The following SNTB1 variants were observed in gnomAD, a reference collection of about 807,000 sequenced individuals.
SNTB1 encodes beta-1-syntrophin.
A neutral mutation model predicts 48.9 loss-of-function variants in SNTB1; 36 were observed. The observed-to-expected ratio is 0.74, with a 90% CI of 0.56 to 0.97. The LOEUF (loss-of-function observed/expected upper bound fraction) is 0.97, where lower values mean the gene tolerates loss of function less well. SNTB1 is among the 50% of genes least tolerant of loss of function. SNTB1 has a pLI of 0.00. For missense variants in SNTB1, 786 were observed against 703.4 expected, an observed-to-expected ratio of 1.12 and a Z score of -1.33; for synonymous variants, 299 against 294.6, an observed-to-expected ratio of 1.01 and a Z score of -0.15.
At chr8:120,783,401 G>A (rs1412565626) in intron 1 of SNTB1, among the ~76,000 whole-genome samples, 1 of 151,918 alleles carries the variant, frequency 6.6e-6, no homozygotes, top group Non-Finnish European at 1.5e-5. Flanking sequence ...AATATGCACT[G>A]AATATTATAC....
At chr8:120,795,646 C>T (rs571028529) in intron 1 of SNTB1, among the ~76,000 whole-genome samples, 10 of 152,132 alleles carry the variant, frequency 6.6e-5, no homozygotes, top group Admixed American at 6.6e-4. Flanking sequence ...CCTGCTATAA[C>T]AAAGTACCAC....
intron 1 of SNTB1, among the ~76,000 whole-genome samples, chr8:120,764,268 G>A (rs531821316): frequency 6.6e-6 from 1 of 152,168 alleles, no homozygotes; most frequent in Non-Finnish European, 1.5e-5. Flanking sequence ...TAAAAACAAT[G>A]AGGCAGCTTC....
intron 1 of SNTB1, among the ~76,000 whole-genome samples, chr8:120,695,990 T>C (rs1818204825): frequency 6.6e-6 from 1 of 152,202 alleles, no homozygotes; most frequent in South Asian, 2.1e-4. Flanking sequence ...GACATACTCA[T>C]GAACAAATGC....
At position 120,632,552 on chromosome 8, in the gene SNTB1, G is replaced by A. The variant is rs780898987; in HGVS notation, c.888C>T (p.Asn296=). ...AQAWFSAIHS[N]VNDLLTRVIA... The stretch of plus-strand genomic sequence containing the variant: ...TCACTCGGGTCAGCAGGTCATTAAC[G>A]TTGGAATGGATGGCACTGAACCATG... Residue 296 remains asparagine, a synonymous_variant, in exon 3 of 7, where the codon AAC becomes AAT. Coordinates refer to ENST00000517992, the MANE Select transcript of SNTB1 (RefSeq NM_021021.4). The A allele has an allele frequency of 5.0e-6, 8 of 1,614,148 alleles. No individual in the cohort carries two copies. The South Asian group carries it at 5.5e-5, about 11-fold the overall frequency.
rs1489201985 is a variant in SNTB1 at position 120,631,648 on chromosome 8, G to T, written c.996+796C>A. On this transcript the variant is annotated intron_variant, in intron 3 of 6. Transcript: ENST00000517992. ...TCAAGGGACAGCAATCATGTGTAAG[G>T]ACAATGGCAAAGGCTCGATCCTTTG... Among the ~76,000 whole-genome samples, 195 of 152,174 alleles carry T rather than the reference G, an allele frequency of 1.3e-3. 1 individual carries two copies. The highest frequency in any genetic ancestry group is 8.8e-5 in the Non-Finnish European group (6 of 68,020).
chr8:120,566,528 T>C (rs1353873464), intron 4 of SNTB1, among the ~76,000 whole-genome samples: 6 of 152,060 alleles, frequency 3.9e-5, no homozygotes, highest in African/African-American at 7.2e-5. Flanking sequence ...ATTTCTATTA[T>C]TTATAAATTA....
chr8:120,780,730 C>T (rs544732604), intron 1 of SNTB1, among the ~76,000 whole-genome samples: 7 of 152,204 alleles, frequency 4.6e-5, no homozygotes, highest in African/African-American at 1.7e-4. Flanking sequence ...GATCAACTGA[C>T]ATCTTCATAG....
chr8:120,561,631 A>G (rs1027137978), intron 4 of SNTB1, among the ~76,000 whole-genome samples: 1 of 152,170 alleles, frequency 6.6e-6, no homozygotes, highest in African/African-American at 2.4e-5. Context: ...AGTTCAACGT[A>G]TGTCCCATTG....
At chr8:120,539,484 G>A (rs559235871) in intron 6 of SNTB1, among the ~76,000 whole-genome samples, 17 of 152,290 alleles carry the variant, frequency 1.1e-4, no homozygotes, top group Admixed American at 5.2e-4. Context: ...AACACAGAAC[G>A]CATGCTAAGC....
chr8:120,588,839 C>T (rs554286405), intron 3 of SNTB1, among the ~76,000 whole-genome samples: 113 of 152,300 alleles, frequency 7.4e-4, no homozygotes, highest in African/African-American at 2.6e-3. Flanking sequence ...GCCTGCTCCT[C>T]CTAGGATCCA....
intron 1 of SNTB1, among the ~76,000 whole-genome samples, chr8:120,699,764 T>A (rs960187966): frequency 6.6e-6 from 1 of 152,208 alleles, no homozygotes; most frequent in Non-Finnish European, 1.5e-5. Context: ...CAGCTCTATG[T>A]CCACCTAGCT....
intron 2 of SNTB1, chr8:120,637,901 A>G (rs771582010): frequency 8.8e-6 from 2 of 226,978 alleles, no homozygotes; most frequent in Non-Finnish European, 1.9e-5. Flanking sequence ...AAATCCTGTA[A>G]GGTAATGTAA....
At chr8:120,692,502 T>C (rs191557304) in intron 2 of SNTB1, among the ~76,000 whole-genome samples, 6 of 152,288 alleles carry the variant, frequency 3.9e-5, no homozygotes, top group East Asian at 3.9e-4. Flanking sequence ...TCCTAAAATA[T>C]ATGTTTTCTC....
At position 120,632,545 on chromosome 8, in the gene SNTB1, C is replaced by T. The variant is rs1280099402; in HGVS notation, c.895G>A (p.Asp299Asn). Reference protein sequence around the residue: ...WFSAIHSNVNDLLTRVIAEVR... With the variant: ...WFSAIHSNVNNLLTRVIAEVR... ...TCAGCAATCACTCGGGTCAGCAGGT[C>T]ATTAACGTTGGAATGGATGGCACTG... The change falls in exon 3 of 7, where the codon GAC becomes AAC. Residue 299 changes from aspartate to asparagine, a missense_variant. Asp to Asn is a conservative substitution (Grantham distance 23). Coordinates refer to ENST00000517992, the MANE Select transcript of SNTB1 (RefSeq NM_021021.4). The T allele has an allele frequency of 1.2e-6, 2 of 1,614,158 alleles. No individual in the cohort carries two copies. Among genetic ancestry groups the T allele is most frequent in the Non-Finnish European group, 1.7e-6 (2 of 1,180,024 alleles).
chr8:120,808,741 T>G (rs749854775), intron 1 of SNTB1, among the ~76,000 whole-genome samples: 12 of 152,128 alleles, frequency 7.9e-5, no homozygotes, highest in Non-Finnish European at 1.5e-4. Flanking sequence ...TTGAAACTTT[T>G]CCAGGGTTTC....
chr8:120,755,424 C>T (rs1819302241), intron 1 of SNTB1, among the ~76,000 whole-genome samples: 1 of 151,904 alleles, frequency 6.6e-6, no homozygotes, highest in Admixed American at 6.6e-5. Flanking sequence ...CTGTCATGAT[C>T]AGGGAGAGCC....
chr8:120,762,263 C>T (rs1005034470), intron 1 of SNTB1, among the ~76,000 whole-genome samples: 4 of 152,226 alleles, frequency 2.6e-5, no homozygotes, highest in African/African-American at 9.6e-5. Flanking sequence ...CTCCCTGTCA[C>T]TACAGCTCTA....
At chr8:120,666,669 T>C (rs1817677350) in intron 2 of SNTB1, among the ~76,000 whole-genome samples, 1 of 152,334 alleles carries the variant, frequency 6.6e-6, no homozygotes, top group East Asian at 1.9e-4. Context: ...AGCCATTATT[T>C]CTTCAAATGA....
chr8:120,618,092 C>T (rs781439781), intron 3 of SNTB1, among the ~76,000 whole-genome samples: 10 of 152,114 alleles, frequency 6.6e-5, no homozygotes, highest in Admixed American at 1.3e-4. Context: ...TTCTGCAACC[C>T]GGAAAGTCTT....
Sources: allele counts gnomAD v4.1 joint callset (sites outside exome capture counted in the v4.1 genomes callset), GRCh38; gene constraint gnomAD v4.1.1; transcripts MANE v1.5; gene names NCBI Gene and HGNC (gene_info 2026-07-23, HGNC 2026-07-21).